The following PRSS3 variants were observed in gnomAD, a reference collection of about 807,000 sequenced individuals.
The protein encoded by PRSS3 is trypsin-3.
In PRSS3, 14 loss-of-function variants were observed where a neutral mutation model predicts 20.8. That is an observed-to-expected ratio of 0.67 (90% CI 0.44 to 1.05). PRSS3 has a LOEUF of 1.05. PRSS3 is among the 50% of genes least tolerant of loss of function. The pLI, the probability that PRSS3 is intolerant of heterozygous loss-of-function variation, is 0.00. For synonymous variants in PRSS3, 91 were observed against 117.6 expected, an observed-to-expected ratio of 0.77 and a Z score of 1.46; for missense variants, 237 against 306.4, an observed-to-expected ratio of 0.77 and a Z score of 1.69.
At position 33,770,747 on chromosome 9, in the gene PRSS3, G is replaced by T. The variant is rs548027424; in HGVS notation, c.-53+20020G>T. On this transcript the variant is annotated intron_variant, in intron 1 of 5. Coordinates refer to the PRSS3 transcript ENST00000342836. The stretch of plus-strand genomic sequence containing the variant: ...TGGCCACCTCCAAGCCAAGAAGAGA[G>T]GCCTCCAGAACTGAGAATGTAAATG... 3.3e-5 allele frequency among the ~76,000 whole-genome samples: 5 copies of T among 152,268 alleles called. No individual in the cohort carries two copies. The East Asian group carries it at 9.7e-4, about 29-fold the overall frequency.
intron 1 of PRSS3, among the ~76,000 whole-genome samples, chr9:33,779,621 C>G (rs908461483): frequency 6.6e-6 from 1 of 152,116 alleles, no homozygotes; most frequent in African/African-American, 2.4e-5. Context: ...GTAATCCCAG[C>G]AGTCTGGGAG....
upstream of PRSS3, among the ~76,000 whole-genome samples, chr9:33,791,605 T>C (rs1199658122): frequency 1.3e-5 from 2 of 152,208 alleles, no homozygotes; most frequent in Non-Finnish European, 2.9e-5. Flanking sequence ...TAAGAATCTA[T>C]ATGGGTGTTT....
chr9:33,788,176 A>G (rs1311982961), intron 1 of PRSS3, among the ~76,000 whole-genome samples: 1 of 152,174 alleles, frequency 6.6e-6, no homozygotes, highest in Admixed American at 6.5e-5. Flanking sequence ...TTCCCAGAAC[A>G]TTGTACAGTT....
chr9:33,758,034 G>C (rs1393340278), intron 1 of PRSS3, among the ~76,000 whole-genome samples: 1 of 152,130 alleles, frequency 6.6e-6, no homozygotes, highest in Non-Finnish European at 1.5e-5. Flanking sequence ...AGTCCCTCCT[G>C]AGCCACAGTT....
At chr9:33,782,801 A>G (rs1408239263) in intron 1 of PRSS3, among the ~76,000 whole-genome samples, 4 of 152,228 alleles carry the variant, frequency 2.6e-5, no homozygotes, top group Admixed American at 2.6e-4. Context: ...TGGGAAAATA[A>G]TAGTTTCTTA....
upstream of PRSS3, chr9:33,794,725 T>C (rs937588472): frequency 9.9e-5 from 152 of 1,536,668 alleles, no homozygotes; most frequent in Admixed American, 1.6e-4. Flanking sequence ...GGTGAGTCAG[T>C]TTGCATCACC....
At chr9:33,777,531 CAAAAAA>C (rs74180503) in intron 1 of PRSS3, among the ~76,000 whole-genome samples, 41 of 101,860 alleles carry the variant, frequency 4.0e-4, no homozygotes, top group Non-Finnish European at 4.8e-4. Context: ...CTAAAAATAC[CAAAAAA>C]AAAAAAAAAA....
At chr9:33,776,722 A>C (rs1248537185) in intron 1 of PRSS3, among the ~76,000 whole-genome samples, 3 of 152,184 alleles carry the variant, frequency 2.0e-5, no homozygotes, top group Non-Finnish European at 4.4e-5. Flanking sequence ...TGTCAGAAGA[A>C]GGACACAGAA....
intron 1 of PRSS3, among the ~76,000 whole-genome samples, chr9:33,788,378 GTAT>G (rs1455016109): frequency 6.6e-6 from 1 of 152,156 alleles, no homozygotes; most frequent in Non-Finnish European, 1.5e-5. Flanking sequence ...TCAGAACAAG[GTAT>G]TATCTGATCT....
intron 1 of PRSS3, chr9:33,762,143 G>A (rs1299927868): frequency 6.6e-6 from 1 of 152,172 alleles, no homozygotes; most frequent in Non-Finnish European, 1.5e-5. Context: ...CTTCCGATCA[G>A]GAACCAAAAC....
At chr9:33,786,647 C>A in intron 1 of PRSS3, 1 of 766,412 alleles carries the variant, frequency 1.3e-6, no homozygotes, top group South Asian at 1.3e-5. Context: ...CTGGTACTGT[C>A]AGCAACCTGG....
chr9:33,796,597 CT>C (rs1824954453), intron 1 of PRSS3, 45 bp from the exon 2 acceptor site: 14 of 1,611,060 alleles, frequency 8.7e-6, no homozygotes, highest in Non-Finnish European at 1.2e-5. Context: ...AGCACCACCC[CT>C]AACATGCTAC....
At chr9:33,784,449 C>T (rs1037913035) in intron 1 of PRSS3, among the ~76,000 whole-genome samples, 17 of 152,134 alleles carry the variant, frequency 1.1e-4, no homozygotes, top group African/African-American at 3.4e-4. Flanking sequence ...AGCCACTGTC[C>T]GTGGCATGTC....
chr9:33,759,804 G>A (rs1823104386), intron 1 of PRSS3, among the ~76,000 whole-genome samples: 1 of 152,214 alleles, frequency 6.6e-6, no homozygotes, highest in Non-Finnish European at 1.5e-5. Context: ...GTGCATGAGA[G>A]TTCTTGCAAG....
intron 1 of PRSS3, among the ~76,000 whole-genome samples, chr9:33,788,173 A>C (rs1587393023): frequency 6.6e-6 from 1 of 152,200 alleles, no homozygotes; most frequent in East Asian, 1.9e-4. Flanking sequence ...ACATTCCCAG[A>C]ACATTGTACA....
At chr9:33,769,800 A>T (rs955554600) in intron 1 of PRSS3, among the ~76,000 whole-genome samples, 1 of 152,216 alleles carries the variant, frequency 6.6e-6, no homozygotes, top group African/African-American at 2.4e-5. Context: ...AATCAGGGTG[A>T]TGGCCCTGGA....
intron 1 of PRSS3, among the ~76,000 whole-genome samples, chr9:33,760,890 G>T (rs1823169145): frequency 1.3e-5 from 2 of 151,830 alleles, no homozygotes; most frequent in African/African-American, 4.8e-5. Context: ...TGAGAAAATA[G>T]AATTTAGTCC....
At chr9:33,770,302 A>G (rs74411350) in intron 1 of PRSS3, among the ~76,000 whole-genome samples, 90 of 149,996 alleles carry the variant, frequency 6.0e-4, no homozygotes, top group Non-Finnish European at 9.6e-4. Flanking sequence ...TTGTCTGGTC[A>G]TAAAGGTTCA....
intron 1 of PRSS3, among the ~76,000 whole-genome samples, chr9:33,783,248 A>G (rs1227232201): frequency 2.0e-5 from 3 of 152,230 alleles, no homozygotes; most frequent in Non-Finnish European, 4.4e-5. Flanking sequence ...CTTGGAGATA[A>G]TGGTAATATT....
Sources: allele counts gnomAD v4.1 joint callset (sites outside exome capture counted in the v4.1 genomes callset), GRCh38; gene constraint gnomAD v4.1.1; transcripts MANE v1.5; gene names NCBI Gene and HGNC (gene_info 2026-07-23, HGNC 2026-07-21).